Variants in SPDYA observed in about 807,000 individuals in gnomAD.
The protein encoded by SPDYA is speedy/RINGO cell cycle regulator family member A.
A neutral mutation model predicts 36.7 loss-of-function variants in SPDYA; 11 were observed. That is an observed-to-expected ratio of 0.30 (90% CI 0.19 to 0.50). The LOEUF (loss-of-function observed/expected upper bound fraction) is 0.50. Ranked by LOEUF, SPDYA falls within the 20% of genes least tolerant of loss-of-function variation. The probability of loss-of-function intolerance (pLI) is 0.98; values close to 1 mark genes in which losing one functional copy is unlikely to be tolerated. For missense variants in SPDYA, 287 were observed against 370.9 expected (o/e 0.77, Z 1.86); for synonymous variants, 115 against 118.7 (o/e 0.97, Z 0.20).
intron 3 of SPDYA, among the ~76,000 whole-genome samples, chr2:28,816,709 T>C (rs7599087): frequency 0.16 from 23,610 of 152,246 alleles, 2,289 homozygotes; most frequent in Non-Finnish European, 0.22. Flanking sequence ...GGAACATTGT[T>C]AAAAATTAAC....
chr2:28,842,961 T>C (rs1668783588), intron 7 of SPDYA, among the ~76,000 whole-genome samples: 1 of 150,472 alleles, frequency 6.6e-6, no homozygotes, highest in Non-Finnish European at 1.5e-5. Flanking sequence ...TCTGATAGTA[T>C]GTGGTTGCAA....
chr2:28,836,477 C>T (rs934923923), intron 6 of SPDYA, among the ~76,000 whole-genome samples: 3 of 152,160 alleles, frequency 2.0e-5, no homozygotes, highest in Non-Finnish European at 4.4e-5. Flanking sequence ...TTATACACCA[C>T]TGACATAAGA....
intron 6 of SPDYA, among the ~76,000 whole-genome samples, chr2:28,837,260 A>T (rs190336927): frequency 6.6e-6 from 1 of 152,220 alleles, no homozygotes; most frequent in Non-Finnish European, 1.5e-5. Context: ...TTAAAAAATT[A>T]TAATTATCAT....
chr2:28,843,379 G>A (rs2148107709), intron 7 of SPDYA, among the ~76,000 whole-genome samples: 1 of 152,044 alleles, frequency 6.6e-6, no homozygotes, highest in East Asian at 1.9e-4. Flanking sequence ...GTAAAACCCT[G>A]TCTCTATTAA....
intron 5 of SPDYA, among the ~76,000 whole-genome samples, chr2:28,823,819 C>T (rs538905636): frequency 3.2e-4 from 43 of 135,540 alleles, no homozygotes; most frequent in Admixed American, 9.2e-4. Flanking sequence ...GATCTTGGCT[C>T]ACTGCAACCT....
At chr2:28,822,295 A>T in intron 4 of SPDYA, 30 bp from the exon 5 acceptor site, 1 of 1,080,424 alleles carries the variant, frequency 9.3e-7, no homozygotes. Context: ...GCAAAACATT[A>T]ATATTAATTT....
chr2:28,849,633 G>A (rs1022165976), intron 7 of SPDYA, among the ~76,000 whole-genome samples: 4 of 152,136 alleles, frequency 2.6e-5, no homozygotes, highest in African/African-American at 9.7e-5. Context: ...CTTTCAAGCT[G>A]GTTAAAAAGA....
intron 6 of SPDYA, among the ~76,000 whole-genome samples, chr2:28,833,137 T>A (rs1247336758): frequency 2.0e-4 from 31 of 152,142 alleles, no homozygotes; most frequent in Non-Finnish European, 4.4e-5. Context: ...TATGCAGCTA[T>A]AATCTATTCT....
intron 6 of SPDYA, among the ~76,000 whole-genome samples, chr2:28,831,358 A>C (rs937507074): frequency 8.5e-5 from 13 of 152,206 alleles, no homozygotes; most frequent in Non-Finnish European, 1.6e-4. Flanking sequence ...ACCCTGTCCC[A>C]AAAAATAAAA....
intron 5 of SPDYA, among the ~76,000 whole-genome samples, chr2:28,823,399 G>T (rs1177855585): frequency 6.6e-6 from 1 of 151,926 alleles, no homozygotes; most frequent in Non-Finnish European, 1.5e-5. Context: ...GAGGCGGGTG[G>T]ATCATCTGAG....
At chr2:28,823,630 G>GAA (rs1192990521) in intron 5 of SPDYA, among the ~76,000 whole-genome samples, 1 of 59,880 alleles carries the variant, frequency 1.7e-5, no homozygotes. Flanking sequence ...TCTCAGGAAA[G>GAA]AAAAAAAAAA....
chr2:28,816,372 C>T, intron 3 of SPDYA, 123 bp downstream of exon 3: 1 of 760,214 alleles, frequency 1.3e-6, no homozygotes, highest in Admixed American at 3.8e-5. Context: ...TTTCCCATCT[C>T]CAACCAAATT....
chr2:28,842,609 G>A (rs1336437063), intron 7 of SPDYA, among the ~76,000 whole-genome samples: 2 of 152,178 alleles, frequency 1.3e-5, no homozygotes, highest in African/African-American at 4.8e-5. Context: ...GGATTTATAG[G>A]TCCTATACAG....
chr2:28,850,208 T>A lies in SPDYA; in HGVS notation c.*267T>A. ...CTGTCATCTGGAGTACTCAGTTAAG[T>A]TGTGGTTTGACCTTCCTCAACTTGA... On this transcript the variant is annotated 3_prime_UTR_variant, in exon 8 of 8. Transcript: ENST00000334056. 6.2e-7 allele frequency: 1 copy of A among 1,611,942 alleles called. No individual in the cohort carries two copies. The highest frequency in any genetic ancestry group is 8.5e-7 in the Non-Finnish European group (1 of 1,179,046).
At chr2:28,843,321 G>A (rs1236663347) in intron 7 of SPDYA, among the ~76,000 whole-genome samples, 3 of 152,212 alleles carry the variant, frequency 2.0e-5, no homozygotes, top group South Asian at 2.1e-4. Flanking sequence ...GGCCAAGAGG[G>A]GGCGGATCAC....
rs188923379 is a variant in SPDYA at position 28,841,736 on chromosome 2, A to C, written c.850+1267A>C. Among the ~76,000 whole-genome samples, 395 of 152,236 alleles carry C rather than the reference A, an allele frequency of 2.6e-3. 4 individuals carry two copies. The highest frequency in any genetic ancestry group is 9.2e-3 in the African/African-American group (380 of 41,520). ...TCTTGGCCATAGTAATCACTCAACA[A>C]ATTTGCACGACAGTATAGTCTCTTC... On this transcript the variant is annotated intron_variant, in intron 7 of 7. Transcript: ENST00000334056.
chr2:28,823,752 T>A (rs181350071), intron 5 of SPDYA, among the ~76,000 whole-genome samples: 13,828 of 109,022 alleles, frequency 0.13, 1,514 homozygotes, highest in African/African-American at 0.24. Context: ...TATAAAATTT[T>A]TTTTTTTTTT....
At chr2:28,847,854 G>C (rs1572520886) in intron 7 of SPDYA, among the ~76,000 whole-genome samples, 2 of 152,038 alleles carry the variant, frequency 1.3e-5, no homozygotes, top group African/African-American at 4.8e-5. Context: ...GACCTGTACT[G>C]CAACACAGTA....
At chr2:28,819,886 A>T (rs1464777520) in intron 4 of SPDYA, among the ~76,000 whole-genome samples, 5 of 66,578 alleles carry the variant, frequency 7.5e-5, no homozygotes, top group East Asian at 4.3e-4. Context: ...ATATATATAT[A>T]TATATATATA....
Sources: allele counts gnomAD v4.1 joint callset (sites outside exome capture counted in the v4.1 genomes callset), GRCh38; gene constraint gnomAD v4.1.1; transcripts MANE v1.5; gene names NCBI Gene and HGNC (gene_info 2026-07-23, HGNC 2026-07-21).